MYO1F: variants seen among roughly 807,000 people sequenced by gnomAD.
MYO1F encodes unconventional myosin-If.
In MYO1F, 60 loss-of-function variants were observed where a neutral mutation model predicts 146.6. That is an observed-to-expected ratio of 0.41 (90% confidence interval 0.33 to 0.51). The LOEUF is 0.51. Ranked by LOEUF, MYO1F falls within the 20% of genes least tolerant of loss-of-function variation. MYO1F has a pLI of 0.25. For synonymous variants in MYO1F, 602 were observed against 602.1 expected, an observed-to-expected ratio of 1.00 and a Z score of 0.00; for missense variants, 1,274 against 1,534.3, an observed-to-expected ratio of 0.83 and a Z score of 2.83.
intron 27 of MYO1F, 139 bp downstream of exon 27, chr19:8,522,237 TG>T: frequency 9.6e-7 from 1 of 1,038,876 alleles, no homozygotes; most frequent in Non-Finnish European, 1.4e-6. Context: ...TTAGCCAGGA[TG>T]GTCTCGATCT....
intron 4 of MYO1F, among the ~76,000 whole-genome samples, chr19:8,553,894 A>ACACACACTCTCTCTCTCTCTCTCT: frequency 9.7e-6 from 1 of 102,606 alleles, no homozygotes; most frequent in African/African-American, 4.2e-5. Context: ...ACACACACAC[A>ACACACACTCTCTCTCTCTCTCTCT]CTCTCTCTCT....
chr19:8,545,999 G>A (rs921773540), intron 12 of MYO1F, among the ~76,000 whole-genome samples: 1 of 151,262 alleles, frequency 6.6e-6, no homozygotes, highest in African/African-American at 2.4e-5. Flanking sequence ...GAGTCCCAGT[G>A]CAGTTGCATT....
At chr19:8,552,613 C>CTA (rs202089713) in intron 6 of MYO1F, among the ~76,000 whole-genome samples, 3,427 of 152,148 alleles carry the variant, frequency 0.023, 100 homozygotes, top group African/African-American at 0.071. Flanking sequence ...AGGTGTAATA[C>CTA]TGAAGTCTAT....
At position 8,526,918 on chromosome 19, in the gene MYO1F, A is replaced by C; in HGVS notation, c.2492T>G (p.Phe831Cys). ...GGCGGCATCCTCTTGGAGGATGAAG[A>C]AGTCGTCCTGTCGCGTGCTGGGGAG... ...GVSLSTRQDD[F>C]FILQEDAADS... The change falls in exon 23 of 28, where the codon TTC becomes TGC. Residue 831 changes from phenylalanine (F) to cysteine (C), a missense_variant. Around this residue, in one of 2 missense-constraint regions of MYO1F, gnomAD observed 374 missense variants for 379.2 expected, o/e 0.99. Coordinates refer to ENST00000644032, the MANE Select transcript of MYO1F (RefSeq NM_012335.4). The C allele has an allele frequency of 1.2e-6, 2 of 1,613,874 alleles. No homozygotes were observed. The highest frequency in any genetic ancestry group is 1.7e-6 in the Non-Finnish European group (2 of 1,179,974).
At chr19:8,541,419 G>GTTT (rs1200496185) in intron 15 of MYO1F, among the ~76,000 whole-genome samples, 1,575 of 133,888 alleles carry the variant, frequency 0.012, 40 homozygotes, top group African/African-American at 0.043. Flanking sequence ...GTGTGTGTGT[G>GTTT]TGTGTGTTTT....
At chr19:8,525,433 G>T in intron 25 of MYO1F, 46 bp downstream of exon 25, 1 of 1,535,440 alleles carries the variant, frequency 6.5e-7, no homozygotes, top group Non-Finnish European at 9.0e-7. Flanking sequence ...TAGGCCATGG[G>T]ACCCACAACA....
intron 8 of MYO1F, 47 bp downstream of exon 8, chr19:8,551,693 G>A: frequency 2.5e-6 from 4 of 1,613,894 alleles, no homozygotes; most frequent in Non-Finnish European, 3.4e-6. Context: ...GGGTTTCTGG[G>A]GCTGAGGTCT....
rs115168743 is a variant in MYO1F at position 8,557,908 on chromosome 19, C to T, written c.4-2112G>A. 4.1e-3 allele frequency among the ~76,000 whole-genome samples: 627 copies of T among 152,232 alleles called. 5 individuals carry two copies. The highest frequency in any genetic ancestry group is 0.014 in the African/African-American group (591 of 41,556). On this transcript the variant is annotated intron_variant, in intron 1 of 27. Transcript: ENST00000644032. Reference sequence around the variant, plus strand: ...GGCCCCTTCCTTCTCCCTCCTACCTCTCCTCTTCTCTTGTGGTCACACATA... The same window carrying T: ...GGCCCCTTCCTTCTCCCTCCTACCTTTCCTCTTCTCTTGTGGTCACACATA...
chr19:8,570,675 AT>A (rs782049069), intron 1 of MYO1F, among the ~76,000 whole-genome samples: 274 of 143,002 alleles, frequency 1.9e-3, no homozygotes, highest in Middle Eastern at 3.6e-3. Flanking sequence ...ACCCAACCAC[AT>A]TTTTTTTTTT....
chr19:8,574,618 TTTCTTTCTTTC>T (rs2042190697), intron 1 of MYO1F, among the ~76,000 whole-genome samples: 1 of 62,762 alleles, frequency 1.6e-5, no homozygotes, highest in Non-Finnish European at 3.1e-5. Flanking sequence ...TCTTTCTTTC[TTTCTTTCTTTC>T]TTTCTTTCTT....
intron 19 of MYO1F, among the ~76,000 whole-genome samples, chr19:8,531,832 A>G (rs1972499029): frequency 6.6e-6 from 1 of 151,916 alleles, no homozygotes; most frequent in South Asian, 2.1e-4. Flanking sequence ...AAATATGAAA[A>G]TGTGGCCGGG....
At chr19:8,541,037 G>C (rs1599946928) in intron 15 of MYO1F, among the ~76,000 whole-genome samples, 2 of 152,128 alleles carry the variant, frequency 1.3e-5, no homozygotes, top group South Asian at 4.2e-4. Flanking sequence ...AGGCTGGAGT[G>C]CAGTGGTGCA....
chr19:8,553,277 T>C, intron 5 of MYO1F, 49 bp from the exon 6 acceptor site: 1 of 1,609,064 alleles, frequency 6.2e-7, no homozygotes. Context: ...GAGGCAGGAG[T>C]GCAGATGGGT....
intron 4 of MYO1F, among the ~76,000 whole-genome samples, chr19:8,553,648 G>A (rs912890704): frequency 3.3e-5 from 5 of 152,008 alleles, no homozygotes; most frequent in Admixed American, 6.6e-5. Context: ...TGAGGAGGGC[G>A]GATCACTTGA....
intron 1 of MYO1F, among the ~76,000 whole-genome samples, chr19:8,563,875 C>T (rs768341686): frequency 2.3e-4 from 35 of 152,152 alleles, no homozygotes; most frequent in East Asian, 3.9e-4. Flanking sequence ...GTGATCCACC[C>T]GCCTTGGCTT....
intron 19 of MYO1F, among the ~76,000 whole-genome samples, chr19:8,532,423 G>A (rs1014091090): frequency 6.6e-6 from 1 of 152,118 alleles, no homozygotes; most frequent in African/African-American, 2.4e-5. Flanking sequence ...ACAAGGTGAG[G>A]AACCTACTGG....
At chr19:8,523,931 C>T (rs1398345525) in intron 25 of MYO1F, among the ~76,000 whole-genome samples, 2 of 151,228 alleles carry the variant, frequency 1.3e-5, no homozygotes, top group Non-Finnish European at 2.9e-5. Context: ...CAAGCCTGGC[C>T]AACATAGTGA....
intron 10 of MYO1F, among the ~76,000 whole-genome samples, chr19:8,548,594 T>C (rs944366032): frequency 1.5e-5 from 2 of 137,816 alleles, no homozygotes; most frequent in African/African-American, 6.7e-5. Flanking sequence ...TCTATTTTCT[T>C]TTTTTTTTTT....
In MYO1F at chr19:8,560,747, T is replaced by TTTTTG. The variant is rs1295452566; in HGVS notation, c.4-4952_4-4951insCAAAA. Among the ~76,000 whole-genome samples the TTTTTG allele has an allele frequency of 2.7e-5, 4 of 148,396 alleles. No individual in the cohort carries two copies. In the East Asian group the frequency reaches 8.1e-4, roughly 30 times the overall value. The stretch of plus-strand genomic sequence containing the variant: ...CATGCCACCACGCCTGGCTAATTTT[T>TTTTTG]TTTTTTTTTGAGACAGAGTCTTGCT... On this transcript the variant is annotated intron_variant, in intron 1 of 27. Transcript: ENST00000644032.
Sources: gnomAD v4.1 joint callset for allele counts (sites outside exome capture counted in the v4.1 genomes callset) on GRCh38, gnomAD v4.1.1 for gene constraint, gnomAD v4.1.1 regional missense constraint, MANE v1.5 for transcripts, NCBI Gene and HGNC (gene_info 2026-07-23, HGNC 2026-07-21) for gene names.